The following DSCAM variants were observed in gnomAD, a reference collection of about 807,000 sequenced individuals.
The protein encoded by DSCAM is DS cell adhesion molecule.
In DSCAM, 47 loss-of-function variants were observed where a neutral mutation model predicts 217.7. That is an observed-to-expected ratio of 0.22 (90% CI 0.17 to 0.28). The LOEUF (loss-of-function observed/expected upper bound fraction) is 0.28, where lower values mean the gene tolerates loss of function less well. Among genes scored for constraint, DSCAM ranks in the 10% least tolerant of loss-of-function variants. The pLI is 1.00. For missense variants in DSCAM, 2,080 were observed against 2,618.3 expected (o/e 0.79, Z 4.49); for synonymous variants, 1,056 against 1,015.3 (o/e 1.04, Z -0.76).
At chr21:40,627,194 C>G (rs2089612641) in intron 3 of DSCAM, among the ~76,000 whole-genome samples, 1 of 152,146 alleles carries the variant, frequency 6.6e-6, no homozygotes. Flanking sequence ...ACAAATAACT[C>G]TAATAACCTG....
intron 14 of DSCAM, among the ~76,000 whole-genome samples, chr21:40,181,924 G>A (rs530781034): frequency 1.3e-4 from 19 of 151,902 alleles, no homozygotes; most frequent in Non-Finnish European, 2.2e-4. Context: ...CAGGGAGACT[G>A]GTGGTGTAGG....
In DSCAM at chr21:40,083,925, C is replaced by T; in HGVS notation, c.4214G>A (p.Gly1405Glu). The T allele has an allele frequency of 6.2e-7, 1 of 1,613,398 alleles. No individual in the cohort carries two copies. The highest frequency in any genetic ancestry group is 8.5e-7 in the Non-Finnish European group (1 of 1,179,650). ...ITLSWLPGDN[G>E]GSSIRGYILQ... ...CTTATTACCTCTGATAGAGCTGCCC[C>T]CGTTGTCTCCAGGGAGCCAAGAAAG... The change falls in exon 24 of 33, where the codon GGG becomes GAG. Residue 1405 changes from glycine to glutamate, a missense_variant. This residue lies in a region of DSCAM where 1,144 missense variants were observed against 1,421.1 expected (regional missense o/e 0.81). Transcript: ENST00000400454.
intron 3 of DSCAM, among the ~76,000 whole-genome samples, chr21:40,607,018 G>A (rs936952066): frequency 6.6e-6 from 1 of 152,170 alleles, no homozygotes; most frequent in Admixed American, 6.5e-5. Flanking sequence ...TGCCAGCCAC[G>A]TGGAACTCTG....
intron 3 of DSCAM, among the ~76,000 whole-genome samples, chr21:40,524,258 T>C (rs1045151689): frequency 5.3e-5 from 8 of 152,152 alleles, no homozygotes; most frequent in African/African-American, 1.9e-4. Context: ...TAATAGCACA[T>C]AAAAATCTAA....
chr21:40,494,532 T>G (rs947723317), intron 3 of DSCAM, among the ~76,000 whole-genome samples: 1 of 152,162 alleles, frequency 6.6e-6, no homozygotes, highest in Non-Finnish European at 1.5e-5. Flanking sequence ...TTTTTACGTC[T>G]AAATTTTAAG....
In DSCAM at chr21:40,489,611, A is replaced by G. The variant is rs552203206; in HGVS notation, c.509-120366T>C. 1.2e-3 allele frequency among the ~76,000 whole-genome samples: 181 copies of G among 151,640 alleles called. 1 individual carries two copies. The highest frequency in any genetic ancestry group is 1.8e-3 in the Non-Finnish European group (123 of 67,874). The stretch of plus-strand genomic sequence containing the variant: ...AAAACGGTGAAACCCCGTCTCTACT[A>G]AAAATACAAAAAAATTAGCCGGGCG... On this transcript the variant is annotated intron_variant, in intron 3 of 32. Coordinates refer to ENST00000400454, the MANE Select transcript of DSCAM (RefSeq NM_001389.5).
chr21:40,054,312 T>C (rs1880291345), intron 29 of DSCAM, among the ~76,000 whole-genome samples: 1 of 152,256 alleles, frequency 6.6e-6, no homozygotes, highest in Non-Finnish European at 1.5e-5. Context: ...TGAAGTTAGC[T>C]GATCAAGAGC....
intron 3 of DSCAM, among the ~76,000 whole-genome samples, chr21:40,523,065 A>G (rs370211912): frequency 8.9e-4 from 135 of 152,258 alleles, no homozygotes; most frequent in African/African-American, 2.5e-3. Context: ...TTACTCCTCT[A>G]TTGGAGTTTC....
chr21:40,778,798 G>A (rs945711667), intron 1 of DSCAM, among the ~76,000 whole-genome samples: 4 of 152,040 alleles, frequency 2.6e-5, no homozygotes, highest in Admixed American at 1.3e-4. Flanking sequence ...GCCAAGGAGG[G>A]TGGATCATCT....
At chr21:40,407,342 C>T (rs2075287836) in intron 3 of DSCAM, among the ~76,000 whole-genome samples, 1 of 152,188 alleles carries the variant, frequency 6.6e-6, no homozygotes, top group South Asian at 2.1e-4. Flanking sequence ...TAAATCAGTC[C>T]TCTCCATGTC....
In DSCAM at chr21:40,075,160, T is replaced by C. The variant is rs1568927203; in HGVS notation, c.4765A>G (p.Thr1589Ala). ...SVVQNEEGLT[T>A]NEGLKMLVTI... is the part of the protein sequence containing the mutation. ...ACCAGCATCTTGAGCCCCTCGTTGG[T>C]CGTCAGCCCTTCTTCGTTTTGGACA... Residue 1589 changes from threonine (T) to alanine (A), a missense_variant, in exon 27 of 33, where the codon ACC becomes GCC. This residue lies in a region of DSCAM where 1,144 missense variants were observed against 1,421.1 expected (regional missense o/e 0.81). Coordinates refer to ENST00000400454, the MANE Select transcript of DSCAM (RefSeq NM_001389.5). 6.2e-7 allele frequency: 1 copy of C among 1,614,186 alleles called. No individual in the cohort carries two copies. The highest frequency in any genetic ancestry group is 1.7e-5 in the Admixed American group (1 of 60,024).
chr21:40,175,007 A>C (rs930035361), intron 15 of DSCAM, among the ~76,000 whole-genome samples: 6 of 151,564 alleles, frequency 4.0e-5, no homozygotes, highest in Admixed American at 3.9e-4. Flanking sequence ...CCTATCTTTC[A>C]CCTTTCTCTA....
intron 3 of DSCAM, among the ~76,000 whole-genome samples, chr21:40,639,887 T>C (rs991486830): frequency 6.6e-6 from 1 of 152,226 alleles, no homozygotes; most frequent in Non-Finnish European, 1.5e-5. Context: ...ATTTTTGGCA[T>C]CAGTTTTTCT....
At chr21:40,711,257 G>A (rs1419649635) in intron 1 of DSCAM, among the ~76,000 whole-genome samples, 3 of 152,140 alleles carry the variant, frequency 2.0e-5, no homozygotes, top group Non-Finnish European at 2.9e-5. Context: ...GAGCTGAGGG[G>A]TTACAGGCTC....
chr21:40,043,921 CTG>C (rs763873943), intron 31 of DSCAM, among the ~76,000 whole-genome samples, 155 bp downstream of exon 31: 3 of 152,218 alleles, frequency 2.0e-5, no homozygotes, highest in Non-Finnish European at 4.4e-5. Context: ...GTATTAGTAA[CTG>C]TTAGATAAAC....
intron 11 of DSCAM, among the ~76,000 whole-genome samples, chr21:40,229,222 A>T (rs1890851627): frequency 1.3e-5 from 2 of 152,230 alleles, no homozygotes; most frequent in South Asian, 4.1e-4. Flanking sequence ...GCTTCCATTC[A>T]TCTCCAAAGT....
At position 40,142,837 on chromosome 21, in the gene DSCAM, A is replaced by G. The variant is rs549594061; in HGVS notation, c.3260-133T>C. The G allele has an allele frequency of 9.6e-5, 99 of 1,026,176 alleles. 1 individual carries two copies. The South Asian group carries it at 1.6e-3, about 16-fold the overall frequency. The allele number at this position is 1,026,176 out of a possible 1,614,324, so 63.6% of individuals were successfully genotyped here. A position where few individuals can be genotyped will look rare whatever the true frequency, so the allele number is the denominator to read the frequency against. ...CACTCAACCCCAAAATGAAAGAAAAAATAACAAAGATCACTTCCCTGGAAA... is the reference window on the plus strand; with the variant it reads ...CACTCAACCCCAAAATGAAAGAAAAGATAACAAAGATCACTTCCCTGGAAA... On this transcript the variant is annotated intron_variant, in intron 17 of 32. Transcript: ENST00000400454.
chr21:40,693,632 G>T (rs2090564615), intron 2 of DSCAM, among the ~76,000 whole-genome samples: 1 of 152,042 alleles, frequency 6.6e-6, no homozygotes, highest in Non-Finnish European at 1.5e-5. Context: ...TTCAGGCAAG[G>T]CAATTTTTCT....
intron 1 of DSCAM, among the ~76,000 whole-genome samples, chr21:40,744,833 T>C (rs956634228): frequency 9.7e-4 from 147 of 152,254 alleles, no homozygotes; most frequent in African/African-American, 3.4e-3. Flanking sequence ...GAATTAAATA[T>C]CTATCAAATG....
Sources: allele counts gnomAD v4.1 joint callset (sites outside exome capture counted in the v4.1 genomes callset), GRCh38; gene constraint gnomAD v4.1.1; regional missense constraint gnomAD v4.1.1; transcripts MANE v1.5; gene names NCBI Gene and HGNC (gene_info 2026-07-23, HGNC 2026-07-21).